The following FAM193A variants were observed in gnomAD, a reference collection of about 807,000 sequenced individuals.
FAM193A encodes the protein family with sequence similarity 193 member A.
A neutral mutation model predicts 126.5 loss-of-function variants in FAM193A; 22 were observed. The ratio of observed to expected loss-of-function variants is 0.17; its 90% CI spans 0.12 to 0.25. FAM193A has a LOEUF of 0.25. Among genes scored for constraint, FAM193A ranks in the 10% least tolerant of loss-of-function variants. The probability of loss-of-function intolerance (pLI) is 1.00; values close to 1 mark genes in which losing one functional copy is unlikely to be tolerated. For synonymous variants in FAM193A, 761 were observed against 646.8 expected, an observed-to-expected ratio of 1.18 and a Z score of -2.68; for missense variants, 1,675 against 1,672.8, an observed-to-expected ratio of 1.00 and a Z score of -0.02.
At chr4:2,720,670 A>G (rs1022038491) in intron 20 of FAM193A, among the ~76,000 whole-genome samples, 5 of 150,688 alleles carry the variant, frequency 3.3e-5, no homozygotes, top group Admixed American at 2.0e-4. Context: ...AAAAACAGTT[A>G]TTTTTCTCTA....
At chr4:2,642,100 C>T (rs2109034466) in intron 6 of FAM193A, among the ~76,000 whole-genome samples, 1 of 141,922 alleles carries the variant, frequency 7.0e-6, no homozygotes, top group African/African-American at 2.7e-5. Flanking sequence ...ACCATCCTGG[C>T]TAACATGGTG....
At chr4:2,696,048 ATAAAT>A (rs1287590803) in intron 17 of FAM193A, among the ~76,000 whole-genome samples, 4 of 152,038 alleles carry the variant, frequency 2.6e-5, no homozygotes, top group African/African-American at 9.7e-5. Context: ...AAATAAATAA[ATAAAT>A]AAAATACATT....
intron 2 of FAM193A, among the ~76,000 whole-genome samples, chr4:2,605,970 CAAAAAAA>C (rs1160026686): frequency 3.8e-4 from 12 of 31,894 alleles, no homozygotes; most frequent in South Asian, 2.6e-3. Flanking sequence ...GACTCTGTCT[CAAAAAAA>C]AAAAAAAAAA....
chr4:2,568,864 T>A (rs1739121153), intron 1 of FAM193A, among the ~76,000 whole-genome samples: 1 of 152,138 alleles, frequency 6.6e-6, no homozygotes, highest in Non-Finnish European at 1.5e-5. Flanking sequence ...CTTTTCCTTT[T>A]CCTTTGGCAT....
At chr4:2,654,144 A>G (rs1025447281) in intron 7 of FAM193A, among the ~76,000 whole-genome samples, 1 of 152,234 alleles carries the variant, frequency 6.6e-6, no homozygotes, top group African/African-American at 2.4e-5. Context: ...CAAAGGCTTT[A>G]AAATGTTGAA....
chr4:2,645,755 G>A (rs966142006), intron 6 of FAM193A, among the ~76,000 whole-genome samples: 6 of 152,038 alleles, frequency 3.9e-5, no homozygotes, highest in African/African-American at 7.2e-5. Context: ...TTGAACTCCC[G>A]ACCTCAGGTG....
chr4:2,678,981 A>C (rs868479335), intron 13 of FAM193A, among the ~76,000 whole-genome samples: 1 of 152,352 alleles, frequency 6.6e-6, no homozygotes, highest in South Asian at 2.1e-4. Context: ...TGATGAAAGC[A>C]GGCATCCTTG....
chr4:2,560,244 G>T (rs565305950), intron 1 of FAM193A, among the ~76,000 whole-genome samples: 6 of 152,132 alleles, frequency 3.9e-5, no homozygotes, highest in Admixed American at 3.9e-4. Context: ...CGCCTGGCCT[G>T]TGCAGGCTTT....
At position 2,717,598 on chromosome 4, in the gene FAM193A, G is replaced by GAA. The variant is rs571958608; in HGVS notation, c.4454+1510_4454+1511dup. Reference sequence around the variant, plus strand: ...GAAACAGAGAGAGACTTTGTCTCAGGAAAAAAAAAAAAAAAAAGCCAGGCA... The same window carrying GAA: ...GAAACAGAGAGAGACTTTGTCTCAGGAAAAAAAAAAAAAAAAAAAGCCAGGCA... On this transcript the variant is annotated intron_variant, in intron 20 of 20. Transcript: ENST00000637812. Among the ~76,000 whole-genome samples, 187 of 115,312 alleles carry GAA rather than the reference G, an allele frequency of 1.6e-3. 1 individual carries two copies. The highest frequency in any genetic ancestry group is 4.3e-3 in the South Asian group (15 of 3,508). The allele number at this position is 115,312 out of a possible 152,430, so 75.6% of individuals were successfully genotyped here.
intron 6 of FAM193A, 99 bp downstream of exon 6, chr4:2,639,958 T>TA: frequency 1.7e-6 from 2 of 1,197,262 alleles, no homozygotes; most frequent in Non-Finnish European, 2.3e-6. Context: ...GTATGAAAGT[T>TA]CTTGCAGGAA....
intron 1 of FAM193A, among the ~76,000 whole-genome samples, chr4:2,555,379 T>TTAC: frequency 6.6e-6 from 1 of 152,202 alleles, no homozygotes; most frequent in East Asian, 1.9e-4. Context: ...TTTGGGAGGC[T>TTAC]AGAGGTAAAT....
At chr4:2,656,834 A>G (rs917444909) in intron 7 of FAM193A, among the ~76,000 whole-genome samples, 5 of 152,256 alleles carry the variant, frequency 3.3e-5, no homozygotes, top group Non-Finnish European at 7.3e-5. Context: ...GTTACAAAGT[A>G]TCAACTTATA....
At chr4:2,592,201 CCTGCCTCAGCT>C (rs1251050725) in intron 1 of FAM193A, among the ~76,000 whole-genome samples, 1 of 152,030 alleles carries the variant, frequency 6.6e-6, no homozygotes, top group African/African-American at 2.4e-5. Context: ...AAGTGATTCT[CCTGCCTCAGCT>C]TGAGTAGCTG....
intron 13 of FAM193A, among the ~76,000 whole-genome samples, chr4:2,677,879 A>G (rs993243931): frequency 6.6e-6 from 1 of 152,230 alleles, no homozygotes; most frequent in African/African-American, 2.4e-5. Flanking sequence ...TTGAATCTGT[A>G]GATCACTTTG....
In FAM193A at chr4:2,664,558, C is replaced by CTTTTTT. The variant is rs33958851; in HGVS notation, c.2079+1291_2079+1296dup. Among the ~76,000 whole-genome samples the CTTTTTT allele has an allele frequency of 8.7e-3, 637 of 73,096 alleles. 15 individuals are homozygous for CTTTTTT. The highest frequency in any genetic ancestry group is 0.012 in the Non-Finnish European group (445 of 38,280). 48.0% of individuals were successfully genotyped at this position (73,096 alleles called of 152,430 possible). ...ACCTTTCTCTCTCTCTATTTTCTTT[C>CTTTTTT]TTTTTTTTTTTTTTTTTTTTTTTTT... On this transcript the variant is annotated intron_variant, in intron 12 of 20. Coordinates refer to ENST00000637812, the MANE Select transcript of FAM193A (RefSeq NM_001366318.2).
chr4:2,594,013 G>A (rs1290524034), intron 1 of FAM193A, among the ~76,000 whole-genome samples: 1 of 152,060 alleles, frequency 6.6e-6, no homozygotes, highest in Non-Finnish European at 1.5e-5. Flanking sequence ...GTCTGCCCCT[G>A]TGCCCCAAAC....
At chr4:2,550,402 A>T (rs1422456988) in intron 1 of FAM193A, among the ~76,000 whole-genome samples, 1 of 151,640 alleles carries the variant, frequency 6.6e-6, no homozygotes, top group African/African-American at 2.4e-5. Flanking sequence ...CCAGCTTTAC[A>T]TTCCTAGAAT....
chr4:2,549,551 T>C (rs1297586284), intron 1 of FAM193A, among the ~76,000 whole-genome samples: 5 of 144,540 alleles, frequency 3.5e-5, no homozygotes, highest in Non-Finnish European at 7.7e-5. Flanking sequence ...CGCCCGCCAC[T>C]ACGCTCGGCT....
chr4:2,687,137 C>T (rs1715830114), intron 13 of FAM193A, among the ~76,000 whole-genome samples: 1 of 152,080 alleles, frequency 6.6e-6, no homozygotes, highest in Non-Finnish European at 1.5e-5. Context: ...CTGAGCTGTC[C>T]AGCAGCCCAG....
Sources: allele counts gnomAD v4.1 joint callset (sites outside exome capture counted in the v4.1 genomes callset), GRCh38; gene constraint gnomAD v4.1.1; transcripts MANE v1.5; gene names NCBI Gene and HGNC (gene_info 2026-07-23, HGNC 2026-07-21).